Variants in HIBADH observed in about 807,000 individuals in gnomAD.
HIBADH encodes the protein 3-hydroxyisobutyrate dehydrogenase.
In HIBADH, 25 loss-of-function variants were observed where a neutral mutation model predicts 36.1. That is an observed-to-expected ratio of 0.69 (90% CI 0.50 to 0.97). The LOEUF (loss-of-function observed/expected upper bound fraction) is 0.97, where lower values mean the gene tolerates loss of function less well. HIBADH is among the 50% of genes least tolerant of loss of function. The probability of loss-of-function intolerance (pLI) is 0.00; values close to 1 mark genes in which losing one functional copy is unlikely to be tolerated. For missense variants in HIBADH, 421 were observed against 418.0 expected (o/e 1.01, Z -0.06); for synonymous variants, 160 against 149.5 (o/e 1.07, Z -0.51).
At chr7:27,628,304 T>C (rs895579356) in intron 4 of HIBADH, among the ~76,000 whole-genome samples, 1 of 152,096 alleles carries the variant, frequency 6.6e-6, no homozygotes, top group African/African-American at 2.4e-5. Context: ...ACAAGATCAT[T>C]AAGTTCTTTA....
chr7:27,576,609 A>G (rs144335432), intron 4 of HIBADH, among the ~76,000 whole-genome samples: 1 of 152,302 alleles, frequency 6.6e-6, no homozygotes, highest in East Asian at 1.9e-4. Context: ...TGAAGAACCT[A>G]TTTACCCTAA....
At chr7:27,657,166 C>A (rs1288569577) in intron 1 of HIBADH, among the ~76,000 whole-genome samples, 1 of 151,924 alleles carries the variant, frequency 6.6e-6, no homozygotes, top group Admixed American at 6.6e-5. Flanking sequence ...CTCTCCATAT[C>A]ACCAAGCTAA....
intron 4 of HIBADH, among the ~76,000 whole-genome samples, chr7:27,556,966 C>T (rs1784398224): frequency 1.3e-5 from 2 of 151,888 alleles, no homozygotes; most frequent in Admixed American, 6.6e-5. Flanking sequence ...ATGGTGAGAC[C>T]CTGTCTTGAC....
intron 2 of HIBADH, among the ~76,000 whole-genome samples, chr7:27,638,308 C>CCAAA (rs1554300502): frequency 1.8e-5 from 1 of 55,472 alleles, no homozygotes; most frequent in East Asian, 6.1e-4. Context: ...TTGGCAAAGT[C>CCAAA]AAAAAAAAAA....
At chr7:27,586,885 G>A (rs1404352947) in intron 4 of HIBADH, among the ~76,000 whole-genome samples, 3 of 152,178 alleles carry the variant, frequency 2.0e-5, no homozygotes, top group African/African-American at 7.2e-5. Flanking sequence ...CTCTAACAGG[G>A]CCACTGGCTG....
intron 4 of HIBADH, among the ~76,000 whole-genome samples, chr7:27,571,943 T>TAGAC (rs1167403568): frequency 6.6e-6 from 1 of 152,234 alleles, no homozygotes; most frequent in Non-Finnish European, 1.5e-5. Flanking sequence ...GTAACCAGCA[T>TAGAC]AGACAGACAG....
intron 4 of HIBADH, among the ~76,000 whole-genome samples, chr7:27,547,381 T>G (rs954039223): frequency 6.6e-6 from 1 of 152,228 alleles, no homozygotes; most frequent in Non-Finnish European, 1.5e-5. Context: ...CTCCTTTTCC[T>G]GCTTCAATTT....
At chr7:27,588,387 G>A (rs2128288589) in intron 4 of HIBADH, among the ~76,000 whole-genome samples, 1 of 152,282 alleles carries the variant, frequency 6.6e-6, no homozygotes, top group Non-Finnish European at 1.5e-5. Flanking sequence ...GGAATGCAGT[G>A]GCATGATCAT....
At chr7:27,645,035 A>G (rs1786036980) in intron 2 of HIBADH, among the ~76,000 whole-genome samples, 1 of 152,182 alleles carries the variant, frequency 6.6e-6, no homozygotes, top group Non-Finnish European at 1.5e-5. Flanking sequence ...TATGGATATA[A>G]CACATTTTGT....
intron 4 of HIBADH, among the ~76,000 whole-genome samples, chr7:27,587,690 T>A (rs1784885240): frequency 6.6e-6 from 1 of 152,202 alleles, no homozygotes; most frequent in African/African-American, 2.4e-5. Flanking sequence ...GAGGTTTCGT[T>A]CTTTTTCAAT....
chr7:27,639,425 T>C (rs1785919094), intron 2 of HIBADH, among the ~76,000 whole-genome samples: 2 of 151,836 alleles, frequency 1.3e-5, no homozygotes, highest in East Asian at 3.9e-4. Context: ...CAACAGACAC[T>C]TGAGACTACC....
rs1399979115 is a variant in HIBADH, at chr7:27,662,758, C to T, written c.31G>A (p.Ala11Thr). The stretch of plus-strand genomic sequence containing the variant: ...CGGCTCCAGTACCGGAGACCGGAGG[C>T]AGCTCCGAGGAGCCGTAAGGAGGCT... Reference protein sequence around the residue: MAASLRLLGAASGLRYWSRRL... With the variant: MAASLRLLGATSGLRYWSRRL... Residue 11 changes from alanine (A) to threonine (T), a missense_variant, in exon 1 of 8, where the codon GCC (alanine) becomes ACC (threonine). Physicochemically the swap from Ala to Thr is moderately conservative, Grantham distance 58. Transcript: ENST00000265395. The T allele has an allele frequency of 1.4e-6, 2 of 1,441,054 alleles. No homozygotes were observed. 89.3% of individuals were successfully genotyped at this position (1,441,054 alleles called of 1,614,324 possible). A position where few individuals can be genotyped will look rare whatever the true frequency, so the allele number is the denominator to read the frequency against.
chr7:27,547,050 T>C (rs1315560207), intron 4 of HIBADH, among the ~76,000 whole-genome samples: 1 of 152,160 alleles, frequency 6.6e-6, no homozygotes, highest in East Asian at 1.9e-4. Flanking sequence ...TTCCTAGCCC[T>C]CTCAGTATAA....
At chr7:27,657,089 G>T (rs1360789719) in intron 1 of HIBADH, among the ~76,000 whole-genome samples, 1 of 151,848 alleles carries the variant, frequency 6.6e-6, no homozygotes, top group Non-Finnish European at 1.5e-5. Context: ...TGGAAAATCT[G>T]AAAATGTAAT....
chr7:27,576,342 A>T (rs1177549060), intron 4 of HIBADH, among the ~76,000 whole-genome samples: 1 of 152,236 alleles, frequency 6.6e-6, no homozygotes, highest in African/African-American at 2.4e-5. Context: ...GTTCTATTCT[A>T]ATGATGGAGG....
intron 4 of HIBADH, among the ~76,000 whole-genome samples, chr7:27,611,792 T>C (rs189546797): frequency 1.3e-4 from 20 of 152,286 alleles, no homozygotes; most frequent in Non-Finnish European, 7.4e-5. Context: ...AGTCTGGTGA[T>C]ACAAAGATAA....
intron 4 of HIBADH, among the ~76,000 whole-genome samples, chr7:27,614,733 A>ACTAACTAAAACATGTTAAACATATGT (rs1390537675): frequency 2.0e-5 from 3 of 152,214 alleles, no homozygotes; most frequent in African/African-American, 4.8e-5. Flanking sequence ...TTATCCCATT[A>ACTAACTAAAACATGTTAAACATATGT]AACTAAAACA....
intron 5 of HIBADH, chr7:27,541,867 A>AT (rs1784156324): frequency 9.3e-6 from 3 of 323,232 alleles, no homozygotes; most frequent in African/African-American, 2.3e-5. Flanking sequence ...GTCACATGAC[A>AT]TTTTATGCTC....
At chr7:27,591,550 CAAA>C (rs11356347) in intron 4 of HIBADH, among the ~76,000 whole-genome samples, 11 of 142,020 alleles carry the variant, frequency 7.7e-5, no homozygotes, top group Non-Finnish European at 9.3e-5. Context: ...GACTCCGTCT[CAAA>C]AAAAAAAAAA....
Sources: allele counts gnomAD v4.1 joint callset (sites outside exome capture counted in the v4.1 genomes callset), GRCh38; gene constraint gnomAD v4.1.1; transcripts MANE v1.5; gene names NCBI Gene and HGNC (gene_info 2026-07-23, HGNC 2026-07-21).